STAG1: variants seen among roughly 807,000 people sequenced by gnomAD.
The protein encoded by STAG1 is STAG1 cohesin complex component.
Under a neutral mutation model 170.9 loss-of-function variants are expected in STAG1, and 26 were observed. The observed-to-expected ratio is 0.15, with a 90% CI of 0.11 to 0.21. The LOEUF is 0.21. Among genes scored for constraint, STAG1 ranks in the 10% least tolerant of loss-of-function variants. The pLI, the probability that STAG1 is intolerant of heterozygous loss-of-function variation, is 1.00. For synonymous variants in STAG1, 514 were observed against 497.7 expected, an observed-to-expected ratio of 1.03 and a Z score of -0.44; for missense variants, 964 against 1,509.5, an observed-to-expected ratio of 0.64 and a Z score of 5.99.
chr3:136,618,888 G>C (rs1939716025), intron 3 of STAG1, among the ~76,000 whole-genome samples: 1 of 152,014 alleles, frequency 6.6e-6, no homozygotes, highest in South Asian at 2.1e-4. Context: ...GCTGCGAAGA[G>C]ATATTCTACA....
Position 136,363,417 on chromosome 3 carries a change from C to T in STAG1, c.2736G>A (p.Arg912=). ...TGGCACACTGAATTTTATCAATCTG[C>T]CTGGTTTTACTCAGTGTTTCCTTAA... ...DIIKETLSKT[R]QIDKIQCAKT... Residue 912 remains arginine (R), a synonymous_variant, in exon 26 of 34, where the codon AGG becomes AGA. Transcript: ENST00000383202. 1.2e-6 allele frequency: 2 copies of T among 1,606,826 alleles called. No individual in the cohort carries two copies. Among genetic ancestry groups the T allele is most frequent in the Non-Finnish European group, 1.7e-6 (2 of 1,175,320 alleles).
At chr3:136,576,264 T>C (rs184303803) in intron 4 of STAG1, among the ~76,000 whole-genome samples, 1 of 152,176 alleles carries the variant, frequency 6.6e-6, no homozygotes, top group Non-Finnish European at 1.5e-5. Context: ...ATTTTTTAAA[T>C]AAATAAATCT....
intron 6 of STAG1, among the ~76,000 whole-genome samples, chr3:136,529,713 A>C (rs986527132): frequency 1.3e-5 from 2 of 152,220 alleles, no homozygotes; most frequent in African/African-American, 4.8e-5. Flanking sequence ...CAAAAGTATA[A>C]GTCTCACTGG....
In STAG1 at chr3:136,338,531, C is replaced by G. The variant is rs1402123419; in HGVS notation, c.3673-81G>C. ...TGTGATAATCAGCTAATATTTCTGACAGTATCATAAATATATGGAACTGCT... is the reference window on the plus strand; with the variant it reads ...TGTGATAATCAGCTAATATTTCTGAGAGTATCATAAATATATGGAACTGCT... On this transcript the variant is annotated intron_variant, in intron 32 of 33. Coordinates refer to ENST00000383202, the MANE Select transcript of STAG1 (RefSeq NM_005862.3). 3.8e-6 allele frequency: 4 copies of G among 1,041,466 alleles called. No individual in the cohort carries two copies. The Admixed American group carries it at 7.7e-5, about 20-fold the overall frequency. The allele number at this position is 1,041,466 out of a possible 1,614,324, so 64.5% of individuals were successfully genotyped here.
At chr3:136,606,661 TA>T (rs974853456) in intron 3 of STAG1, among the ~76,000 whole-genome samples, 1 of 152,084 alleles carries the variant, frequency 6.6e-6, no homozygotes, top group Non-Finnish European at 1.5e-5. Context: ...AGGCATTTTC[TA>T]ATAGGTTCCT....
intron 7 of STAG1, among the ~76,000 whole-genome samples, chr3:136,510,353 G>C (rs578002148): frequency 7.9e-5 from 12 of 152,042 alleles, no homozygotes; most frequent in Admixed American, 5.9e-4. Context: ...GCAGTGGTGC[G>C]ATCTCAGCTC....
chr3:136,599,099 T>C (rs756899840), intron 4 of STAG1, among the ~76,000 whole-genome samples: 3 of 152,150 alleles, frequency 2.0e-5, no homozygotes, highest in African/African-American at 4.8e-5. Context: ...CCCAAAGGAA[T>C]GTAAATCATT....
At chr3:136,725,436 C>T (rs1217987280) in intron 1 of STAG1, among the ~76,000 whole-genome samples, 1 of 152,134 alleles carries the variant, frequency 6.6e-6, no homozygotes, top group African/African-American at 2.4e-5. Flanking sequence ...TACTACTCTA[C>T]AATTTGGCAC....
chr3:136,733,142 C>T (rs902331677), intron 1 of STAG1, among the ~76,000 whole-genome samples: 1 of 147,086 alleles, frequency 6.8e-6, no homozygotes, highest in African/African-American at 2.5e-5. Flanking sequence ...TGGAGTGCAG[C>T]GGCATCATCT....
chr3:136,712,007 T>G (rs770440228), intron 1 of STAG1, among the ~76,000 whole-genome samples: 133 of 152,262 alleles, frequency 8.7e-4, no homozygotes, highest in Non-Finnish European at 1.7e-3. Context: ...ATGTACCTAT[T>G]CAGATAACTT....
At chr3:136,347,289 G>A (rs561923499) in intron 29 of STAG1, among the ~76,000 whole-genome samples, 51 of 150,552 alleles carry the variant, frequency 3.4e-4, no homozygotes, top group Non-Finnish European at 6.2e-4. Context: ...CCAGCTACTT[G>A]GGAGGCTGAG....
At chr3:136,495,883 G>C (rs1220098341) in intron 9 of STAG1, among the ~76,000 whole-genome samples, 1 of 151,050 alleles carries the variant, frequency 6.6e-6, no homozygotes, top group East Asian at 2.0e-4. Flanking sequence ...GCAGGAGAAT[G>C]GCGTGAACCT....
intron 16 of STAG1, among the ~76,000 whole-genome samples, chr3:136,433,336 A>G (rs72987483): frequency 0.011 from 1,709 of 152,134 alleles, 21 homozygotes; most frequent in African/African-American, 0.04. Context: ...CGTAAGTACA[A>G]TAACAGAAGC....
chr3:136,438,096 T>C (rs1019177155), intron 15 of STAG1, among the ~76,000 whole-genome samples: 1 of 152,222 alleles, frequency 6.6e-6, no homozygotes, highest in African/African-American at 2.4e-5. Flanking sequence ...TCTTGTATCA[T>C]TGGCTCATTA....
intron 23 of STAG1, among the ~76,000 whole-genome samples, chr3:136,377,456 T>C (rs1227179126): frequency 8.9e-5 from 13 of 145,608 alleles, no homozygotes; most frequent in Non-Finnish European, 1.5e-5. Flanking sequence ...CTTGTGAAAG[T>C]AAAAGGAAAG....
chr3:136,724,283 C>T (rs1318640102), intron 1 of STAG1, among the ~76,000 whole-genome samples: 2 of 152,028 alleles, frequency 1.3e-5, no homozygotes, highest in African/African-American at 4.8e-5. Context: ...GCCTTGTGAT[C>T]CTGTTGATCA....
At chr3:136,659,490 G>A (rs772121634) in intron 1 of STAG1, among the ~76,000 whole-genome samples, 3 of 152,146 alleles carry the variant, frequency 2.0e-5, no homozygotes, top group Non-Finnish European at 4.4e-5. Context: ...GCTGCTTTCT[G>A]AAATACGTGT....
chr3:136,568,186 ACT>A (rs1302210801), intron 5 of STAG1, among the ~76,000 whole-genome samples: 3 of 152,026 alleles, frequency 2.0e-5, no homozygotes, highest in Non-Finnish European at 2.9e-5. Context: ...TTAACAACTC[ACT>A]TCCCCCCATG....
intron 13 of STAG1, among the ~76,000 whole-genome samples, chr3:136,455,373 C>A (rs1293311743): frequency 6.6e-6 from 1 of 152,208 alleles, no homozygotes; most frequent in Non-Finnish European, 1.5e-5. Context: ...GTGCCAACTG[C>A]CCCCTCCCTA....
Sources: gnomAD v4.1 joint callset for allele counts (sites outside exome capture counted in the v4.1 genomes callset) on GRCh38, gnomAD v4.1.1 for gene constraint, MANE v1.5 for transcripts, NCBI Gene and HGNC (gene_info 2026-07-23, HGNC 2026-07-21) for gene names.